Variants in SLC19A1 observed in about 807,000 individuals in gnomAD.
SLC19A1 encodes solute carrier family 19 member 1.
A neutral mutation model predicts 35.3 loss-of-function variants in SLC19A1; 37 were observed. That is an observed-to-expected ratio of 1.05 (90% CI 0.81 to 1.38). SLC19A1 has a LOEUF of 1.38. Among genes scored for constraint, SLC19A1 ranks in the 40% most tolerant of loss-of-function variants. The pLI is 0.00. For missense variants in SLC19A1, 831 were observed against 826.9 expected, an observed-to-expected ratio of 1.00 and a Z score of -0.06; for synonymous variants, 460 against 398.5, an observed-to-expected ratio of 1.15 and a Z score of -1.84.
chr21:45,519,485 C>T (rs1051311186), intron 5 of SLC19A1, among the ~76,000 whole-genome samples: 4 of 137,340 alleles, frequency 2.9e-5, no homozygotes, highest in Admixed American at 8.2e-5. Flanking sequence ...GAAAGTAAAA[C>T]GATGGAAAAA....
Position 45,515,017 on chromosome 21 carries a change from G to A in SLC19A1, c.*641C>T, listed in dbSNP as rs1340759537. The A allele has an allele frequency of 6.5e-7, 1 of 1,535,140 alleles. No individual in the cohort carries two copies. Among genetic ancestry groups the A allele is most frequent in the Admixed American group, 2.2e-5 (1 of 45,906 alleles). On this transcript the variant is annotated 3_prime_UTR_variant, in exon 6 of 6. Transcript: ENST00000311124. Reference sequence around the variant, plus strand: ...TCAGAAGGACAGACAGGACCATGGAGGGCTGCCCTTAGGGTGGGAGAGAGG... The same window carrying A: ...TCAGAAGGACAGACAGGACCATGGAAGGCTGCCCTTAGGGTGGGAGAGAGG...
At chr21:45,550,816 C>T (rs2078458038) in intron 1 of SLC19A1, among the ~76,000 whole-genome samples, 1 of 152,086 alleles carries the variant, frequency 6.6e-6, no homozygotes, top group Non-Finnish European at 1.5e-5. Flanking sequence ...CTCAACCTCC[C>T]TTACCTCCAC....
At chr21:45,542,658 C>T (rs1255315734), upstream of SLC19A1, among the ~76,000 whole-genome samples, 16 of 151,606 alleles carry the variant, frequency 1.1e-4, no homozygotes, top group Non-Finnish European at 2.4e-4. Context: ...GCGGCCCTAC[C>T]CCTGGGGCCG....
intron 5 of SLC19A1, 31 bp downstream of exon 5, chr21:45,525,786 C>T (rs1203988558): frequency 1.2e-6 from 2 of 1,609,290 alleles, no homozygotes; most frequent in South Asian, 1.1e-5. Flanking sequence ...TAGCTTCCAT[C>T]CCCGAGGACG....
downstream of SLC19A1, chr21:45,510,151 G>A: frequency 1.3e-6 from 2 of 1,599,112 alleles, no homozygotes; most frequent in Non-Finnish European, 1.7e-6. Flanking sequence ...GCAGGCGCGG[G>A]CCGTGGGGCT....
Position 45,530,325 on chromosome 21 carries a change from G to A in SLC19A1, c.1151+445C>T, listed in dbSNP as rs560330936. Among the ~76,000 whole-genome samples, 152 of 145,808 alleles carry A rather than the reference G, an allele frequency of 1.0e-3. No individual in the cohort carries two copies. The highest frequency in any genetic ancestry group is 1.6e-3 in the Non-Finnish European group (108 of 66,854). On this transcript the variant is annotated intron_variant, in intron 4 of 5. Transcript: ENST00000311124. This position sits in a 1 kb window ranked among gnomAD's most constrained non-coding sequence, Gnocchi z 5.3. Reference sequence around the variant, plus strand: ...TGTGGTATGTGTTCATGAGTGTGTGGTGAGTGTCCATCTGTGCGCATGTGG... The same window carrying A: ...TGTGGTATGTGTTCATGAGTGTGTGATGAGTGTCCATCTGTGCGCATGTGG...
intron 3 of SLC19A1, chr21:45,506,038 G>A (rs1392673828): frequency 2.4e-5 from 38 of 1,608,294 alleles, no homozygotes; most frequent in South Asian, 2.0e-4. Context: ...TAAGGAAGGC[G>A]AGAGGCTCAG....
At chr21:45,550,080 T>TGG (rs2078450908) in intron 1 of SLC19A1, among the ~76,000 whole-genome samples, 1 of 152,060 alleles carries the variant, frequency 6.6e-6, no homozygotes, top group South Asian at 2.1e-4. Flanking sequence ...AAGTGGACAG[T>TGG]GGGGGTCAGT....
At chr21:45,537,376 G>A (rs982046595) in intron 2 of SLC19A1, among the ~76,000 whole-genome samples, 3 of 152,298 alleles carry the variant, frequency 2.0e-5, no homozygotes, top group South Asian at 2.1e-4. Flanking sequence ...AACAGGAAAA[G>A]CGCCCTGGCC....
At chr21:45,552,795 T>C (rs372277141) in intron 1 of SLC19A1, among the ~76,000 whole-genome samples, 1 of 151,488 alleles carries the variant, frequency 6.6e-6, no homozygotes, top group African/African-American at 2.4e-5. Flanking sequence ...GACACGGGAG[T>C]CTCTGGGCTG....
At chr21:45,548,798 C>T (rs950692913), upstream of SLC19A1, among the ~76,000 whole-genome samples, 8 of 151,972 alleles carry the variant, frequency 5.3e-5, no homozygotes, top group Admixed American at 3.3e-4. Flanking sequence ...TTAAATAAGA[C>T]GTGAAAATGT....
intron 5 of SLC19A1, among the ~76,000 whole-genome samples, chr21:45,521,954 A>G (rs2077451750): frequency 1.3e-5 from 2 of 152,238 alleles, no homozygotes; most frequent in Non-Finnish European, 2.9e-5. Flanking sequence ...AAGAGTTTCC[A>G]TAAAAGGAAA....
intron 4 of SLC19A1, among the ~76,000 whole-genome samples, chr21:45,527,769 G>C (rs533675710): frequency 2.0e-5 from 3 of 149,298 alleles, no homozygotes; most frequent in Admixed American, 1.3e-4. Flanking sequence ...GTGGGCCCTG[G>C]AGGTGAGTGG....
upstream of SLC19A1, among the ~76,000 whole-genome samples, chr21:45,544,607 T>G (rs2078393914): frequency 1.3e-5 from 2 of 152,252 alleles, no homozygotes; most frequent in South Asian, 2.1e-4. Context: ...GCGTCAGGGA[T>G]GGCAGGGAGA....
chr21:45,546,904 T>C (rs927670318), upstream of SLC19A1, among the ~76,000 whole-genome samples: 3 of 152,186 alleles, frequency 2.0e-5, no homozygotes, highest in Non-Finnish European at 4.4e-5. Flanking sequence ...CCGAGAAACC[T>C]AAGCGTGACA....
intron 1 of SLC19A1, among the ~76,000 whole-genome samples, chr21:45,551,569 G>C (rs1201124555): frequency 6.6e-6 from 1 of 152,148 alleles, no homozygotes. Context: ...TGATTCAAAC[G>C]TTTCCAGTAG....
At chr21:45,510,209 A>C, downstream of SLC19A1, 1 of 1,605,024 alleles carries the variant, frequency 6.2e-7, no homozygotes, top group Non-Finnish European at 8.5e-7. Context: ...CAGGACCTGT[A>C]CAGCATCGTG....
chr21:45,555,781 C>T (rs192263100), intron 1 of SLC19A1, among the ~76,000 whole-genome samples: 2 of 152,030 alleles, frequency 1.3e-5, no homozygotes, highest in Non-Finnish European at 2.9e-5. Context: ...CCGCGCCAGC[C>T]GAGGGGCCCG....
intron 3 of SLC19A1, chr21:45,504,137 C>G: frequency 6.8e-7 from 1 of 1,476,754 alleles, no homozygotes; most frequent in African/African-American, 1.4e-5. Context: ...CTCGCCCCAT[C>G]CGGCCCAAGC....
Sources: gnomAD v4.1 joint callset for allele counts (sites outside exome capture counted in the v4.1 genomes callset) on GRCh38, gnomAD v4.1.1 for gene constraint, Gnocchi (gnomAD v3.1) non-coding constraint, MANE v1.5 for transcripts, NCBI Gene and HGNC (gene_info 2026-07-23, HGNC 2026-07-21) for gene names.